The following NECAP2 variants were observed in gnomAD, a reference collection of about 807,000 sequenced individuals.
NECAP2 encodes the protein adaptin ear-binding coat-associated protein 2.
In NECAP2, 38 loss-of-function variants were observed where a neutral mutation model predicts 37.8. That is an observed-to-expected ratio of 1.01 (90% CI 0.78 to 1.32). The LOEUF is 1.32. Ranked by LOEUF, NECAP2 falls within the 40% of genes most tolerant of loss-of-function variation. The probability of loss-of-function intolerance (pLI) is 0.00; values close to 1 mark genes in which losing one functional copy is unlikely to be tolerated. For synonymous variants in NECAP2, 121 were observed against 127.7 expected (o/e 0.95, Z 0.35); for missense variants, 316 against 334.5 (o/e 0.94, Z 0.43).
At chr1:16,451,762 C>A in intron 5 of NECAP2, 76 bp from the exon 6 acceptor site, 2 of 1,555,848 alleles carry the variant, frequency 1.3e-6, no homozygotes, top group Non-Finnish European at 1.8e-6. Context: ...GTCACCTTGG[C>A]CCTCCTTGTG....
intron 6 of NECAP2, among the ~76,000 whole-genome samples, 158 bp downstream of exon 6, chr1:16,452,173 C>T (rs576851866): frequency 5.9e-5 from 9 of 152,334 alleles, no homozygotes; most frequent in East Asian, 1.9e-4. Context: ...ATTCTGCACA[C>T]GCTGGGTAAG....
chr1:16,444,241 G>A (rs999928997), intron 2 of NECAP2, among the ~76,000 whole-genome samples: 2 of 152,170 alleles, frequency 1.3e-5, no homozygotes, highest in Non-Finnish European at 2.9e-5. Context: ...GGCAGAGATC[G>A]TCTTGGGGGA....
Position 16,459,021 on chromosome 1 carries a change from CT to C in NECAP2, c.*132del, listed in dbSNP as rs2086971941. On this transcript the variant is annotated 3_prime_UTR_variant, in exon 8 of 8. Transcript: ENST00000337132. ...AATCTCTCCTCTCCTCCTTGTCTGG[CT>C]CTGTTGACAAACCGGGCATGTTTGG... 2 of 1,557,892 alleles carry C rather than the reference CT, an allele frequency of 1.3e-6. No individual in the cohort carries two copies. Among genetic ancestry groups the C allele is most frequent in the Non-Finnish European group, 1.7e-6 (2 of 1,152,230 alleles).
At chr1:16,446,797 C>T (rs1374592700) in intron 2 of NECAP2, among the ~76,000 whole-genome samples, 9 of 152,068 alleles carry the variant, frequency 5.9e-5, no homozygotes, top group Non-Finnish European at 1.0e-4. Flanking sequence ...CAGTGGCTCA[C>T]GCCTGTAATC....
rs1336754461 is a variant in NECAP2, at chr1:16,459,326, AG to A, written c.*437del. On this transcript the variant is annotated 3_prime_UTR_variant, in exon 8 of 8. Transcript: ENST00000337132. ...GGCTTTCCGTACCCACACTGGCTGT[AG>A]CCACTTCAGTCCATCTGCCCTCCAG... The A allele has an allele frequency of 5.9e-6, 1 of 170,006 alleles. No individual in the cohort carries two copies. Among genetic ancestry groups the A allele is most frequent in the Non-Finnish European group, 1.2e-5 (1 of 80,208 alleles). The allele number at this position is 170,006 out of a possible 1,614,324, so 10.5% of individuals were successfully genotyped here.
intron 1 of NECAP2, among the ~76,000 whole-genome samples, chr1:16,441,979 CTTT>C (rs1275872447): frequency 5.1e-5 from 7 of 136,490 alleles, no homozygotes; most frequent in African/African-American, 5.4e-5. Flanking sequence ...CCTGTTGGGT[CTTT>C]TTTTTTTTTT....
chr1:16,456,016 TTTC>T, intron 7 of NECAP2, 123 bp downstream of exon 7: 1 of 681,078 alleles, frequency 1.5e-6, no homozygotes, highest in South Asian at 2.0e-5. Flanking sequence ...ATTTGGATGT[TTTC>T]TTTTCTTTTT....
At chr1:16,458,461 C>T (rs1405967495) in intron 7 of NECAP2, among the ~76,000 whole-genome samples, 2 of 151,820 alleles carry the variant, frequency 1.3e-5, no homozygotes, top group Non-Finnish European at 2.9e-5. Flanking sequence ...AAAAATTAAC[C>T]GGTCATGTAG....
At chr1:16,451,812 G>C (rs370346062) in intron 5 of NECAP2, 26 bp from the exon 6 acceptor site, 1 of 1,613,744 alleles carries the variant, frequency 6.2e-7, no homozygotes, top group Non-Finnish European at 8.5e-7. Context: ...AGAACGGGCT[G>C]ATTTGCATTC....
At chr1:16,443,575 A>T (rs1052451442) in intron 1 of NECAP2, 57 bp from the exon 2 acceptor site, 1 of 1,329,122 alleles carries the variant, frequency 7.5e-7, no homozygotes, top group African/African-American at 1.4e-5. Context: ...CATTCCCAGC[A>T]TTGGGGTCAC....
chr1:16,451,727 G>A, intron 5 of NECAP2, 111 bp from the exon 6 acceptor site: 2 of 1,069,552 alleles, frequency 1.9e-6, no homozygotes, highest in Non-Finnish European at 2.8e-6. Context: ...CCATCTTTTG[G>A]TTACACAGAT....
In NECAP2 at chr1:16,449,203, T is replaced by A. The variant is rs768453144; in HGVS notation, c.489+2T>A. On this transcript the variant is annotated splice_donor_variant, in intron 5 of 7. Transcript: ENST00000337132. LOFTEE classifies it high-confidence loss of function. The stretch of plus-strand genomic sequence containing the variant: ...CAGACCATCAAGCTCAACATCGCAG[T>A]GAGTTCTACCCTTGCTTGGCTGTGG... The A allele has an allele frequency of 8.1e-6, 13 of 1,603,816 alleles. No homozygotes were observed. The highest frequency in any genetic ancestry group is 1.0e-5 in the Non-Finnish European group (12 of 1,173,212).
chr1:16,457,521 C>T (rs2086938532), intron 7 of NECAP2, among the ~76,000 whole-genome samples: 1 of 152,100 alleles, frequency 6.6e-6, no homozygotes, highest in Non-Finnish European at 1.5e-5. Flanking sequence ...CCTGTTTGCC[C>T]TGAGAAAACT....
chr1:16,441,108 C>T (rs896657599), intron 1 of NECAP2: 3 of 519,244 alleles, frequency 5.8e-6, no homozygotes, highest in Non-Finnish European at 1.0e-5. Flanking sequence ...CCCCGGTGGG[C>T]TGCCGGGTAC....
chr1:16,453,400 C>T (rs2086874488), intron 6 of NECAP2, among the ~76,000 whole-genome samples: 1 of 151,682 alleles, frequency 6.6e-6, no homozygotes, highest in Non-Finnish European at 1.5e-5. Flanking sequence ...TGAGCTACTG[C>T]ACCCGGCCCT....
intron 6 of NECAP2, among the ~76,000 whole-genome samples, chr1:16,452,288 C>T (rs1052887354): frequency 1.3e-5 from 2 of 152,134 alleles, no homozygotes; most frequent in Non-Finnish European, 2.9e-5. Flanking sequence ...TCCTGGTTCC[C>T]AGTGTCTGCT....
intron 2 of NECAP2, 111 bp from the exon 3 acceptor site, chr1:16,447,759 T>C (rs914883851): frequency 3.8e-6 from 3 of 792,276 alleles, no homozygotes; most frequent in East Asian, 2.5e-5. Context: ...TTTGCCGATC[T>C]GTCTCAGCTG....
At chr1:16,450,197 C>T (rs541250941) in intron 5 of NECAP2, 2 of 454,074 alleles carry the variant, frequency 4.4e-6, no homozygotes, top group Admixed American at 2.4e-5. Context: ...TTCTTTCTCT[C>T]GCTTGGAGGA....
chr1:16,449,227 G>C, intron 5 of NECAP2, 26 bp downstream of exon 5: 1 of 1,544,926 alleles, frequency 6.5e-7, no homozygotes, highest in South Asian at 1.2e-5. Context: ...GCTTGGCTGT[G>C]GTGACGTGAT....
Sources: gnomAD v4.1 joint callset for allele counts (sites outside exome capture counted in the v4.1 genomes callset) on GRCh38, gnomAD v4.1.1 for gene constraint, MANE v1.5 for transcripts, NCBI Gene and HGNC (gene_info 2026-07-23, HGNC 2026-07-21) for gene names.